The following NPAS3 variants were observed in gnomAD, a reference collection of about 807,000 sequenced individuals.
NPAS3 encodes the protein neuronal PAS domain protein 3.
In NPAS3, 14 loss-of-function variants were observed where a neutral mutation model predicts 73.1. That is an observed-to-expected ratio of 0.19 (90% CI 0.13 to 0.30). The LOEUF (loss-of-function observed/expected upper bound fraction) is 0.30, where lower values mean the gene tolerates loss of function less well. NPAS3 is among the 10% of genes least tolerant of loss of function. The pLI is 1.00. For synonymous variants in NPAS3, 620 were observed against 541.5 expected (o/e 1.14, Z -2.01); for missense variants, 1,096 against 1,250.0 (o/e 0.88, Z 1.86).
chr14:33,076,554 A>AT (rs994218625), intron 2 of NPAS3, among the ~76,000 whole-genome samples: 47 of 152,210 alleles, frequency 3.1e-4, no homozygotes, highest in African/African-American at 1.1e-3. Flanking sequence ...AAAAACTGTG[A>AT]TTTTTGCCTT....
At chr14:33,337,346 A>T (rs567878030) in intron 3 of NPAS3, among the ~76,000 whole-genome samples, 1 of 152,204 alleles carries the variant, frequency 6.6e-6, no homozygotes, top group East Asian at 1.9e-4. Flanking sequence ...TGTTGGAAAG[A>T]TCATCTTTTT....
At chr14:33,739,880 A>G (rs761389800) in intron 7 of NPAS3, among the ~76,000 whole-genome samples, 11 of 152,142 alleles carry the variant, frequency 7.2e-5, no homozygotes, top group Non-Finnish European at 1.5e-4. Context: ...GTGTTGATAC[A>G]TATTGAAGTC....
intron 5 of NPAS3, among the ~76,000 whole-genome samples, chr14:33,673,918 C>T (rs2059680946): frequency 6.6e-6 from 1 of 152,202 alleles, no homozygotes; most frequent in African/African-American, 2.4e-5. Flanking sequence ...ACTGTGCAGC[C>T]TTAACTACAG....
intron 4 of NPAS3, among the ~76,000 whole-genome samples, chr14:33,517,691 C>T (rs1239295762): frequency 7.9e-5 from 12 of 152,146 alleles, no homozygotes; most frequent in Non-Finnish European, 7.4e-5. Flanking sequence ...CGTCATGCCC[C>T]GCAGCACCTA....
chr14:33,067,176 G>A (rs1031636809), intron 2 of NPAS3, among the ~76,000 whole-genome samples: 1 of 152,148 alleles, frequency 6.6e-6, no homozygotes, highest in Admixed American at 6.5e-5. Flanking sequence ...GGGTCCCTTG[G>A]AGCAGGATGA....
intron 2 of NPAS3, among the ~76,000 whole-genome samples, chr14:33,127,102 A>C (rs186844155): frequency 1.3e-5 from 2 of 150,938 alleles, no homozygotes; most frequent in African/African-American, 2.4e-5. Context: ...AAAAAAAAAA[A>C]CTCTAAATAA....
chr14:33,777,660 G>A (rs1316272939), intron 8 of NPAS3, among the ~76,000 whole-genome samples: 1 of 152,096 alleles, frequency 6.6e-6, no homozygotes. Context: ...TAATACAGAG[G>A]GTAACAAGCA....
chr14:33,609,808 C>T (rs1280665678), intron 5 of NPAS3, among the ~76,000 whole-genome samples: 1 of 152,182 alleles, frequency 6.6e-6, no homozygotes, highest in Admixed American at 6.5e-5. Context: ...TCCCATTCTG[C>T]AGCGCCGAGT....
At chr14:32,995,414 A>G (rs1365458247) in intron 1 of NPAS3, among the ~76,000 whole-genome samples, 2 of 152,152 alleles carry the variant, frequency 1.3e-5, no homozygotes, top group East Asian at 1.9e-4. Context: ...AGGCCCTCTC[A>G]TCTTTCTTCC....
chr14:33,110,623 C>T (rs75828620), intron 2 of NPAS3, among the ~76,000 whole-genome samples: 2,303 of 152,214 alleles, frequency 0.015, 57 homozygotes, highest in African/African-American at 0.053. Flanking sequence ...TTTGAATTTA[C>T]TTTGCATCAT....
At chr14:33,797,893 T>G (rs375857886) in intron 11 of NPAS3, among the ~76,000 whole-genome samples, 1 of 151,936 alleles carries the variant, frequency 6.6e-6, no homozygotes, top group Non-Finnish European at 1.5e-5. Flanking sequence ...TTTGTGTGTA[T>G]ATATACTCAC....
chr14:33,800,455 C>T lies in NPAS3; in HGVS notation c.2148C>T (p.Leu716=), dbSNP rs780038677. ...ACGTGGCCATTCCCGACTCGGTCCTCACCCCGCCCGGCGCCGACGGCGCGG... is the reference window on the plus strand; with the variant it reads ...ACGTGGCCATTCCCGACTCGGTCCTTACCCCGCCCGGCGCCGACGGCGCGG... The change falls in exon 12 of 12, where the codon CTC becomes CTT. Residue 716 remains leucine, a synonymous_variant. Transcript: ENST00000356141. The surrounding 1 kb of genome is among the most constrained non-coding windows in gnomAD (Gnocchi z 6.5). 64 of 1,530,588 alleles carry T rather than the reference C, an allele frequency of 4.2e-5. No homozygotes were observed. The Admixed American group carries it at 1.3e-3, about 31-fold the overall frequency. 94.8% of individuals were successfully genotyped at this position (1,530,588 alleles called of 1,614,324 possible).
At chr14:33,774,571 A>G in intron 8 of NPAS3, 41 bp downstream of exon 8, 1 of 1,520,938 alleles carries the variant, frequency 6.6e-7, no homozygotes, top group Non-Finnish European at 9.1e-7. Flanking sequence ...TGCACGTTGC[A>G]CATTGGTGAG....
At chr14:33,274,531 T>C (rs1350159455) in intron 3 of NPAS3, among the ~76,000 whole-genome samples, 1 of 152,154 alleles carries the variant, frequency 6.6e-6, no homozygotes, top group Non-Finnish European at 1.5e-5. Context: ...GCTGTTTCCA[T>C]AGACCCTGCC....
At position 33,800,674 on chromosome 14, in the gene NPAS3, C is replaced by G. The variant is rs2063683024; in HGVS notation, c.2367C>G (p.Asp789Glu). 1.3e-6 allele frequency: 2 copies of G among 1,543,962 alleles called. No homozygotes were observed. The change falls in exon 12 of 12, where the codon GAC (aspartate) becomes GAG (glutamate). Residue 789 changes from aspartate to glutamate, a missense_variant. Asp to Glu is a conservative substitution (Grantham distance 45, BLOSUM62 2). Transcript: ENST00000356141. This position sits in a 1 kb window ranked among gnomAD's most constrained non-coding sequence, Gnocchi z 6.5. ...CCAACTCCTTGCTGTACACTGGGGACCTGGAGGCGCTGCAGAGGTTGCAGG... is the reference window on the plus strand; with the variant it reads ...CCAACTCCTTGCTGTACACTGGGGAGCTGGAGGCGCTGCAGAGGTTGCAGG...
At chr14:33,124,106 G>T (rs148638873) in intron 2 of NPAS3, among the ~76,000 whole-genome samples, 2 of 151,774 alleles carry the variant, frequency 1.3e-5, no homozygotes, top group African/African-American at 4.8e-5. Context: ...CATCTGCCTC[G>T]GCCTACCAAA....
intron 4 of NPAS3, among the ~76,000 whole-genome samples, chr14:33,416,393 A>T (rs141132065): frequency 7.6e-4 from 116 of 152,194 alleles, no homozygotes; most frequent in African/African-American, 2.6e-3. Flanking sequence ...TTAAAATCCT[A>T]AACGATAACA....
intron 1 of NPAS3, among the ~76,000 whole-genome samples, chr14:32,972,449 TACAC>T (rs1460924372): frequency 6.6e-6 from 1 of 152,206 alleles, no homozygotes; most frequent in African/African-American, 2.4e-5. Flanking sequence ...CAATATAAAA[TACAC>T]ACACATGCAC....
At chr14:33,350,010 GT>G (rs1249703268) in intron 3 of NPAS3, among the ~76,000 whole-genome samples, 1 of 152,200 alleles carries the variant, frequency 6.6e-6, no homozygotes, top group Admixed American at 6.5e-5. Context: ...TTTACTGCTG[GT>G]CCTTGGGTGT....
Sources: allele counts gnomAD v4.1 joint callset (sites outside exome capture counted in the v4.1 genomes callset), GRCh38; gene constraint gnomAD v4.1.1; non-coding constraint Gnocchi (gnomAD v3.1); transcripts MANE v1.5; gene names NCBI Gene and HGNC (gene_info 2026-07-23, HGNC 2026-07-21).